Variants in RPS6KC1 observed in about 807,000 individuals in gnomAD.
RPS6KC1 encodes the protein ribosomal protein S6 kinase C1.
Under a neutral mutation model 103.8 loss-of-function variants are expected in RPS6KC1, and 54 were observed. The ratio of observed to expected loss-of-function variants is 0.52; its 90% confidence interval spans 0.42 to 0.65. RPS6KC1 has a LOEUF of 0.65. Ranked by LOEUF, RPS6KC1 falls within the 30% of genes least tolerant of loss-of-function variation. The probability of loss-of-function intolerance (pLI) is 0.00; values close to 1 mark genes in which losing one functional copy is unlikely to be tolerated. For missense variants in RPS6KC1, 1,151 were observed against 1,253.8 expected (o/e 0.92, Z 1.24); for synonymous variants, 439 against 438.7 (o/e 1.00, Z -0.01).
At chr1:213,410,834 T>A in the RPS6KC1 span, among the ~76,000 whole-genome samples, 38 of 129,044 alleles carry the variant, frequency 2.9e-4, no homozygotes, top group Middle Eastern at 4.0e-3. Context: ...TTTTTTTTTT[T>A]AAAAAAGGGA....
chr1:213,242,043 A>G lies in RPS6KC1; in HGVS notation c.2567A>G (p.Glu856Gly), dbSNP rs185611165. ...GATCAGACTGATGATTTGGCTAAAG[A>G]GGAACCAACTTCTTTATTCCAGAGA... ...FTDQTDDLAK[E>G]EPTSLFQRDS... The change falls in exon 11 of 15, where the codon GAG becomes GGG. Residue 856 changes from glutamate to glycine, a missense_variant. By Grantham distance (98) the Glu-to-Gly change is moderately conservative (BLOSUM62 -2). This residue lies in a region of RPS6KC1 where 959 missense variants were observed against 1,006.3 expected (regional missense o/e 0.95). Transcript: ENST00000366960. 6.8e-6 allele frequency: 11 copies of G among 1,614,100 alleles called. No individual in the cohort carries two copies. In the East Asian group the frequency reaches 2.0e-4, roughly 29 times the overall value.
the RPS6KC1 span, among the ~76,000 whole-genome samples, chr1:213,404,046 A>G: frequency 2.6e-5 from 4 of 152,166 alleles, no homozygotes; most frequent in Admixed American, 2.0e-4. Flanking sequence ...AGAAGGCCCT[A>G]AGCGAGGATG....
the RPS6KC1 span, among the ~76,000 whole-genome samples, chr1:213,382,699 T>C: frequency 2.4e-4 from 37 of 152,252 alleles, no homozygotes; most frequent in African/African-American, 8.7e-4. Context: ...AGCCTGAGGT[T>C]TGAGTTTGGT....
chr1:213,151,890 A>C (rs1572867134), intron 6 of RPS6KC1, among the ~76,000 whole-genome samples: 5 of 85,214 alleles, frequency 5.9e-5, no homozygotes, highest in Admixed American at 3.3e-4. Flanking sequence ...TGATCCCCCA[A>C]CCTCCCTCCA....
At chr1:213,314,198 TTCC>T in the RPS6KC1 span, among the ~76,000 whole-genome samples, 1 of 152,156 alleles carries the variant, frequency 6.6e-6, no homozygotes, top group Non-Finnish European at 1.5e-5. Flanking sequence ...ATATGGCATT[TTCC>T]TCTTCTTATA....
the RPS6KC1 span, among the ~76,000 whole-genome samples, chr1:213,720,461 A>C: frequency 5.0e-3 from 759 of 152,342 alleles, 5 homozygotes; most frequent in African/African-American, 0.017. Flanking sequence ...ACTCAAATAC[A>C]TTCAAATAAA....
rs771497182 is a variant in RPS6KC1, at chr1:213,240,691, C to T, written c.1226-11C>T. 1.3e-6 allele frequency: 2 copies of T among 1,587,966 alleles called. No individual in the cohort carries two copies. Among genetic ancestry groups the T allele is most frequent in the East Asian group, 2.2e-5 (1 of 44,604 alleles). On this transcript the variant is annotated splice_polypyrimidine_tract_variant and intron_variant, in intron 10 of 14. Transcript: ENST00000366960. ...TAATACTTTTGTTTGTTTTGTTATA[C>T]TTGTTCACAGGTGGCAAACTGTGGT...
chr1:213,582,921 C>G, the RPS6KC1 span, among the ~76,000 whole-genome samples: 10 of 152,104 alleles, frequency 6.6e-5, no homozygotes, highest in Admixed American at 4.6e-4. Context: ...AGTCAGTTCC[C>G]CTCACCCATG....
intron 3 of RPS6KC1, among the ~76,000 whole-genome samples, chr1:213,087,816 A>G (rs1004492642): frequency 1.3e-5 from 2 of 152,100 alleles, no homozygotes; most frequent in Admixed American, 6.5e-5. Flanking sequence ...TTGTCTGTGT[A>G]TCTGCCCCTC....
chr1:213,553,993 T>C, the RPS6KC1 span, among the ~76,000 whole-genome samples: 4 of 152,140 alleles, frequency 2.6e-5, no homozygotes, highest in African/African-American at 4.8e-5. Context: ...GATTACTTTG[T>C]TGATAATTTC....
chr1:213,499,339 A>G, the RPS6KC1 span, among the ~76,000 whole-genome samples: 1 of 152,322 alleles, frequency 6.6e-6, no homozygotes, highest in East Asian at 1.9e-4. Context: ...CATTATGTGA[A>G]CACCATGGAG....
downstream of RPS6KC1, among the ~76,000 whole-genome samples, chr1:213,275,764 C>T (rs1473715184): frequency 1.3e-5 from 2 of 152,126 alleles, no homozygotes; most frequent in African/African-American, 2.4e-5. Flanking sequence ...TTGTAATATA[C>T]AATATGTCGT....
chr1:213,491,860 C>T, the RPS6KC1 span, among the ~76,000 whole-genome samples: 534 of 152,238 alleles, frequency 3.5e-3, 2 homozygotes, highest in Middle Eastern at 6.8e-3. Context: ...GATTGAGTCT[C>T]CACGTTTTGG....
chr1:213,487,875 C>A, the RPS6KC1 span, among the ~76,000 whole-genome samples: 1 of 152,180 alleles, frequency 6.6e-6, no homozygotes, highest in East Asian at 1.9e-4. Context: ...TCTACACATG[C>A]TTGCCTTCTC....
At chr1:213,500,073 A>G in the RPS6KC1 span, among the ~76,000 whole-genome samples, 1 of 152,188 alleles carries the variant, frequency 6.6e-6, no homozygotes, top group Admixed American at 6.5e-5. Context: ...TCTTTCAATA[A>G]ATTACTCTTA....
chr1:213,333,187 T>C, the RPS6KC1 span, among the ~76,000 whole-genome samples: 1 of 152,224 alleles, frequency 6.6e-6, no homozygotes, highest in East Asian at 1.9e-4. Flanking sequence ...TGAATAGGTA[T>C]AAACCATCAA....
At chr1:213,454,595 A>C in the RPS6KC1 span, among the ~76,000 whole-genome samples, 1 of 152,162 alleles carries the variant, frequency 6.6e-6, no homozygotes, top group Non-Finnish European at 1.5e-5. Context: ...AAGTATTCTG[A>C]ATTTTCTAAT....
At chr1:213,103,744 C>T (rs549291585) in intron 3 of RPS6KC1, among the ~76,000 whole-genome samples, 1 of 152,276 alleles carries the variant, frequency 6.6e-6, no homozygotes, top group Non-Finnish European at 1.5e-5. Context: ...TGATATATGG[C>T]ATATGATAAA....
chr1:213,330,132 A>G, the RPS6KC1 span, among the ~76,000 whole-genome samples: 3 of 152,200 alleles, frequency 2.0e-5, no homozygotes, highest in African/African-American at 7.2e-5. Flanking sequence ...CAGCTCAAAG[A>G]AAAAGATTCC....
Sources: allele counts gnomAD v4.1 joint callset (sites outside exome capture counted in the v4.1 genomes callset), GRCh38; gene constraint gnomAD v4.1.1; regional missense constraint gnomAD v4.1.1; transcripts MANE v1.5; gene names NCBI Gene and HGNC (gene_info 2026-07-23, HGNC 2026-07-21).